The following PAFAH1B1 variants were observed in gnomAD, a reference collection of about 807,000 sequenced individuals.
The protein encoded by PAFAH1B1 is platelet activating factor acetylhydrolase 1b regulatory subunit 1, also known as platelet-activating factor acetylhydrolase IB subunit beta.
Under a neutral mutation model 57.5 loss-of-function variants are expected in PAFAH1B1, and 2 were observed. That is an observed-to-expected ratio of 0.03 (90% CI 0.01 to 0.11). The LOEUF (loss-of-function observed/expected upper bound fraction) is 0.11, where lower values mean the gene tolerates loss of function less well. Ranked by LOEUF, PAFAH1B1 falls within the 10% of genes least tolerant of loss-of-function variation. The pLI is 1.00. For synonymous variants in PAFAH1B1, 152 were observed against 169.6 expected (o/e 0.90, Z 0.81); for missense variants, 257 against 512.0 (o/e 0.50, Z 4.81).
intron 1 of PAFAH1B1, among the ~76,000 whole-genome samples, chr17:2,604,037 G>T (rs2068176161): frequency 6.7e-6 from 1 of 149,530 alleles, no homozygotes. Context: ...CGCCTGGCCA[G>T]ATTATTTTTA....
In PAFAH1B1 at chr17:2,667,136, C is replaced by G. The variant is rs886041341; in HGVS notation, c.337C>G (p.Arg113Gly). 2 of 1,613,722 alleles carry G rather than the reference C, an allele frequency of 1.2e-6. No individual in the cohort carries two copies. Among genetic ancestry groups the G allele is most frequent in the African/African-American group, 2.7e-5 (2 of 75,008 alleles). ...ALSGHRSPVT[R>G]VIFHPVFSVM... ...GAGTGGTCACAGGAGTCCAGTCACT[C>G]GAGTCATTTTCCATCCTGTGTTCAG... Residue 113 changes from arginine (R) to glycine (G), a missense_variant, in exon 5 of 11, where the codon CGA becomes GGA. By Grantham distance (125) the Arg-to-Gly change is moderately radical. Transcript: ENST00000397195.
At chr17:2,611,490 A>G (rs1258854923) in intron 1 of PAFAH1B1, among the ~76,000 whole-genome samples, 1 of 151,904 alleles carries the variant, frequency 6.6e-6, no homozygotes, top group East Asian at 1.9e-4. Context: ...AAAAATAAAA[A>G]AAGAAAGAAA....
intron 1 of PAFAH1B1, among the ~76,000 whole-genome samples, chr17:2,623,805 A>C (rs1443363801): frequency 6.6e-6 from 1 of 151,420 alleles, no homozygotes; most frequent in Non-Finnish European, 1.5e-5. Flanking sequence ...CTCCTGGCTA[A>C]TTTTTGTGTT....
At chr17:2,665,259 G>A (rs1424569442) in intron 2 of PAFAH1B1, 113 bp from the exon 3 acceptor site, 3 of 710,330 alleles carry the variant, frequency 4.2e-6, no homozygotes, top group African/African-American at 3.5e-5. Context: ...GATTTGAAAG[G>A]GAATACTCTT....
intron 1 of PAFAH1B1, among the ~76,000 whole-genome samples, chr17:2,609,100 AGCT>A (rs1261444992): frequency 6.6e-6 from 1 of 152,148 alleles, no homozygotes; most frequent in East Asian, 1.9e-4. Context: ...AAAAATTAGG[AGCT>A]CTGTCAACAG....
chr17:2,645,785 T>A (rs2068760861), intron 2 of PAFAH1B1, among the ~76,000 whole-genome samples: 1 of 151,414 alleles, frequency 6.6e-6, no homozygotes, highest in South Asian at 2.1e-4. Context: ...TTTGTATTTT[T>A]AGTAGAGACG....
At chr17:2,643,457 T>C (rs1038591548) in intron 2 of PAFAH1B1, among the ~76,000 whole-genome samples, 2 of 152,078 alleles carry the variant, frequency 1.3e-5, no homozygotes, top group African/African-American at 4.8e-5. Flanking sequence ...GTAGAGATGG[T>C]CTCACTATGT....
Position 2,664,939 on chromosome 17 carries a change from CTT to C in PAFAH1B1, c.33-430_33-429del, listed in dbSNP as rs1236850399. 4.6e-5 allele frequency among the ~76,000 whole-genome samples: 7 copies of C among 150,968 alleles called. No individual in the cohort carries two copies. In the East Asian group the frequency reaches 1.4e-3, roughly 29 times the overall value. ...TGAAAATACTTTAGTTTTCTCAAAACTTTTCTCTGCAAAACTAAATTCCAGCT... is the reference window on the plus strand; with the variant it reads ...TGAAAATACTTTAGTTTTCTCAAAACTTCTCTGCAAAACTAAATTCCAGCT... On this transcript the variant is annotated intron_variant, in intron 2 of 10. Transcript: ENST00000397195.
intron 1 of PAFAH1B1, among the ~76,000 whole-genome samples, chr17:2,623,344 C>T (rs533584536): frequency 2.7e-5 from 4 of 146,494 alleles, no homozygotes; most frequent in South Asian, 2.2e-4. Flanking sequence ...ATCTTGGCTC[C>T]GCCTCCTGGA....
chr17:2,657,023 G>T (rs936213702), intron 2 of PAFAH1B1, among the ~76,000 whole-genome samples: 4 of 152,072 alleles, frequency 2.6e-5, no homozygotes, highest in Non-Finnish European at 5.9e-5. Context: ...TCAGGTTCAC[G>T]CCATTCTCCT....
chr17:2,658,455 A>G (rs2068967480), intron 2 of PAFAH1B1, among the ~76,000 whole-genome samples: 1 of 152,032 alleles, frequency 6.6e-6, no homozygotes, highest in Non-Finnish European at 1.5e-5. Flanking sequence ...TTTTTTGTTT[A>G]TTTATTTGGT....
chr17:2,664,665 G>GCGCTCGCTCT, intron 2 of PAFAH1B1, among the ~76,000 whole-genome samples: 1 of 86,028 alleles, frequency 1.2e-5, no homozygotes, highest in Non-Finnish European at 2.6e-5. Flanking sequence ...TCTATCTATC[G>GCGCTCGCTCT]CTCTCTCTCT....
intron 6 of PAFAH1B1, among the ~76,000 whole-genome samples, chr17:2,671,971 GAAT>G (rs2069190492): frequency 1.3e-5 from 2 of 151,854 alleles, no homozygotes; most frequent in South Asian, 4.1e-4. Context: ...TTATATCTTA[GAAT>G]ATCAACCTAG....
intron 2 of PAFAH1B1, chr17:2,638,738 C>A (rs934757913): frequency 1.4e-4 from 27 of 197,342 alleles, no homozygotes; most frequent in African/African-American, 5.7e-4. Flanking sequence ...GAACTCCTGA[C>A]CTCAAGTGAT....
chr17:2,664,077 C>T (rs2069060905), intron 2 of PAFAH1B1, among the ~76,000 whole-genome samples: 1 of 152,148 alleles, frequency 6.6e-6, no homozygotes, highest in African/African-American at 2.4e-5. Flanking sequence ...ACTGCGCTGG[C>T]CTAACCCTGT....
In PAFAH1B1 at chr17:2,679,839, G is replaced by A. The variant is rs2069349877; in HGVS notation, c.1003-325G>A. On this transcript the variant is annotated intron_variant, in intron 9 of 10. Transcript: ENST00000397195. ...CATGAACCACCTAAGAACAAGGATA[G>A]TATATAAATAACCAAAATAAAATTA... The A allele has an allele frequency of 1.2e-5, 4 of 336,558 alleles. No homozygotes were observed. In the Admixed American group the frequency reaches 1.4e-4, roughly 12 times the overall value. 20.8% of individuals were successfully genotyped at this position (336,558 alleles called of 1,614,324 possible). A position where few individuals can be genotyped will look rare whatever the true frequency, so the allele number is the denominator to read the frequency against.
At chr17:2,634,781 C>T (rs960588185) in intron 1 of PAFAH1B1, among the ~76,000 whole-genome samples, 3 of 152,120 alleles carry the variant, frequency 2.0e-5, no homozygotes, top group African/African-American at 7.2e-5. Context: ...AGTCATCACC[C>T]GCAGGTGGCA....
At chr17:2,607,219 A>C (rs1254634249) in intron 1 of PAFAH1B1, among the ~76,000 whole-genome samples, 1 of 150,050 alleles carries the variant, frequency 6.7e-6, no homozygotes. Context: ...CTGTCACCAG[A>C]GTGGAGTGCA....
intron 2 of PAFAH1B1, among the ~76,000 whole-genome samples, chr17:2,643,805 C>T (rs1426823504): frequency 6.6e-6 from 1 of 152,100 alleles, no homozygotes; most frequent in East Asian, 1.9e-4. Context: ...AACAGATCAC[C>T]TGCTTCGGCC....
Sources: allele counts gnomAD v4.1 joint callset (sites outside exome capture counted in the v4.1 genomes callset), GRCh38; gene constraint gnomAD v4.1.1; transcripts MANE v1.5; gene names NCBI Gene and HGNC (gene_info 2026-07-23, HGNC 2026-07-21).